Variants in HAUS7 observed in about 807,000 individuals in gnomAD.
HAUS7 encodes the protein HAUS augmin-like complex subunit 7.
HAUS7 carries 3 observed loss-of-function variants against 28.4 expected under a neutral mutation model. That is an observed-to-expected ratio of 0.11 (90% confidence interval 0.05 to 0.27). The LOEUF is 0.27. Among genes scored for constraint, HAUS7 ranks in the 10% least tolerant of loss-of-function variants. HAUS7 has a pLI of 1.00. For missense variants in HAUS7, 284 were observed against 297.3 expected (o/e 0.96, Z 0.33); for synonymous variants, 165 against 132.1 (o/e 1.25, Z -1.71).
chrX:153,481,135 G>A (rs2089597144), intron 1 of HAUS7: 1 of 530,972 alleles, frequency 1.9e-6, no homozygotes, highest in Admixed American at 8.8e-5. Flanking sequence ...GTGCCCTCGT[G>A]TGTGGGGTGG....
At chrX:153,449,358 G>C (rs782765356) in intron 9 of HAUS7, among the ~76,000 whole-genome samples, 20 of 112,360 alleles carry the variant, frequency 1.8e-4, no homozygotes, top group African/African-American at 6.1e-4. Context: ...AGCCCGCCTG[G>C]AATTGCGCCC....
At chrX:153,475,394 C>G (rs1258417276), upstream of HAUS7, among the ~76,000 whole-genome samples, 1 of 110,544 alleles carries the variant, frequency 9.0e-6, no homozygotes, top group Non-Finnish European at 1.9e-5. Context: ...CCACCCCCAC[C>G]CCGCAGCAGG....
intron 1 of HAUS7, among the ~76,000 whole-genome samples, chrX:153,493,097 T>C (rs2089681735): frequency 1.8e-5 from 2 of 112,416 alleles, no homozygotes; most frequent in South Asian, 7.4e-4. Context: ...ATATGGTCTA[T>C]TCACAGAACT....
chrX:153,482,849 C>G, intron 1 of HAUS7: 1 of 546,957 alleles, frequency 1.8e-6, no homozygotes, highest in East Asian at 1.7e-4. Context: ...GGCCATCCCA[C>G]GCGGCCTGCC....
intron 1 of HAUS7, among the ~76,000 whole-genome samples, chrX:153,488,100 A>G (rs1234412471): frequency 8.9e-6 from 1 of 112,773 alleles, no homozygotes; most frequent in Non-Finnish European, 1.9e-5. Flanking sequence ...AGGATGCCGC[A>G]GGAGAGGGCC....
rs1200204589 is a variant in HAUS7, at chrX:153,485,802, G to A, written c.-589+9572C>T. ...GAGACCCTTGACCTGTCCTACAACC[G>A]GCTGGTGCACGTGCCCCGCTTCCTG... On this transcript the variant is annotated intron_variant, in intron 1 of 5. Transcript: ENST00000370210. 1.2e-4 allele frequency: 112 copies of A among 899,044 alleles called. 1 individual carries two copies. The Admixed American group carries it at 3.9e-3, about 31-fold the overall frequency. 74.1% of individuals were successfully genotyped at this position (899,044 alleles called of 1,213,427 possible). A position where few individuals can be genotyped will look rare whatever the true frequency, so the allele number is the denominator to read the frequency against.
chrX:153,478,163 G>C (rs1556986601), intron 1 of HAUS7, among the ~76,000 whole-genome samples: 1 of 112,873 alleles, frequency 8.9e-6, no homozygotes, highest in Non-Finnish European at 1.9e-5. Flanking sequence ...GAAGAGCCGA[G>C]CCAGCGGTGA....
chrX:153,491,379 A>T (rs1475993198), intron 1 of HAUS7, among the ~76,000 whole-genome samples: 2 of 112,572 alleles, frequency 1.8e-5, no homozygotes, highest in African/African-American at 6.5e-5. Context: ...AAGACAGGGC[A>T]CAAACAGCTG....
chrX:153,462,187 G>A (rs1453339279), intron 4 of HAUS7: 5 of 1,023,576 alleles, frequency 4.9e-6, no homozygotes, highest in Non-Finnish European at 6.4e-6. Context: ...AAACGAGAAG[G>A]TGGGTGCTGG....
chrX:153,469,671 C>T (rs1240308413), intron 1 of HAUS7, among the ~76,000 whole-genome samples: 2 of 112,420 alleles, frequency 1.8e-5, no homozygotes, highest in East Asian at 5.6e-4. Context: ...CCTTTACCCG[C>T]GTCCTGCCAT....
chrX:153,486,167 A>G, intron 1 of HAUS7: 1 of 769,601 alleles, frequency 1.3e-6, no homozygotes, highest in Non-Finnish European at 1.7e-6. Flanking sequence ...ACACAGAGGA[A>G]GAGGTACCCT....
At chrX:153,486,973 C>A in intron 1 of HAUS7, 1 of 380,122 alleles carries the variant, frequency 2.6e-6, no homozygotes, top group Non-Finnish European at 4.1e-6. Context: ...CTTCACTTAG[C>A]AAATGGCCCA....
intron 1 of HAUS7, chrX:153,486,590 G>T: frequency 1.0e-6 from 1 of 959,225 alleles, no homozygotes; most frequent in Non-Finnish European, 1.4e-6. Context: ...GTCTTTCCGG[G>T]GTCTTCTCTC....
At chrX:153,494,187 C>T (rs986119443) in intron 1 of HAUS7, among the ~76,000 whole-genome samples, 1 of 111,960 alleles carries the variant, frequency 8.9e-6, no homozygotes, top group African/African-American at 3.2e-5. Flanking sequence ...CCCGGTTAGC[C>T]CCCGTAAGTG....
At chrX:153,484,474 T>G (rs782259491) in intron 1 of HAUS7, among the ~76,000 whole-genome samples, 1 of 104,475 alleles carries the variant, frequency 9.6e-6, no homozygotes, top group East Asian at 3.0e-4. Context: ...GGCTAGGGAG[T>G]CAGGACACGG....
rs2089306986 is a variant in HAUS7 at position 153,456,242 on chromosome X, C to G, written c.705+23G>C. The G allele has an allele frequency of 9.5e-6, 11 of 1,157,810 alleles. No individual in the cohort carries two copies. In the Admixed American group the frequency reaches 2.4e-4, roughly 25 times the overall value. ...CAGGGCCTTGCCTCCAAGCAACCCC[C>G]TCCCAGGAGCTAGCACCCTCACCTC... On this transcript the variant is annotated intron_variant, in intron 7 of 9. Transcript: ENST00000370211.
chrX:153,458,328 G>A (rs1476822711), intron 4 of HAUS7, among the ~76,000 whole-genome samples: 2 of 112,894 alleles, frequency 1.8e-5, no homozygotes, highest in East Asian at 5.6e-4. Flanking sequence ...AGGTGATCTG[G>A]GGGCAGCGGG....
At chrX:153,495,262 C>T (rs1216955431) in intron 1 of HAUS7, 1 of 111,943 alleles carries the variant, frequency 8.9e-6, no homozygotes, top group African/African-American at 3.3e-5. Flanking sequence ...TGCTGATCCA[C>T]GCCCCTTCAT....
At chrX:153,466,682 C>A (rs1556984328) in intron 2 of HAUS7, among the ~76,000 whole-genome samples, 1 of 112,578 alleles carries the variant, frequency 8.9e-6, no homozygotes, top group African/African-American at 3.2e-5. Flanking sequence ...TTCTCGCCAA[C>A]CTGAAATCAG....
Sources: gnomAD v4.1 joint callset for allele counts (sites outside exome capture counted in the v4.1 genomes callset) on GRCh38, gnomAD v4.1.1 for gene constraint, MANE v1.5 for transcripts, NCBI Gene and HGNC (gene_info 2026-07-23, HGNC 2026-07-21) for gene names.